MICAL3: variants seen among roughly 807,000 people sequenced by gnomAD.
The protein encoded by MICAL3 is [F-actin]-monooxygenase MICAL3.
A neutral mutation model predicts 207.4 loss-of-function variants in MICAL3; 62 were observed. The ratio of observed to expected loss-of-function variants is 0.30; its 90% confidence interval spans 0.24 to 0.37. MICAL3 has a LOEUF of 0.37. Ranked by LOEUF, MICAL3 falls within the 10% of genes least tolerant of loss-of-function variation. MICAL3 has a pLI of 1.00. For synonymous variants in MICAL3, 1,077 were observed against 1,069.3 expected (o/e 1.01, Z -0.14); for missense variants, 2,368 against 2,635.6 (o/e 0.90, Z 2.22).
At chr22:17,867,600 C>A (rs181326913) in intron 17 of MICAL3, among the ~76,000 whole-genome samples, 1 of 152,216 alleles carries the variant, frequency 6.6e-6, no homozygotes, top group Non-Finnish European at 1.5e-5. Flanking sequence ...TAACACATGA[C>A]CCAGGCCGCT....
At chr22:17,931,011 G>C in intron 1 of MICAL3, among the ~76,000 whole-genome samples, 1 of 152,296 alleles carries the variant, frequency 6.6e-6, no homozygotes, top group East Asian at 1.9e-4. Flanking sequence ...CTCCACCTCC[G>C]CAACAGACCG....
At chr22:18,023,690 C>T (rs1011854669) in intron 1 of MICAL3, among the ~76,000 whole-genome samples, 1 of 152,336 alleles carries the variant, frequency 6.6e-6, no homozygotes, top group East Asian at 1.9e-4. Flanking sequence ...GCTGCGCCGG[C>T]GCAGCGCGCC....
chr22:17,872,022 C>T lies in MICAL3; in HGVS notation c.2243G>A (p.Gly748Asp). 1 of 1,600,292 alleles carries T rather than the reference C, an allele frequency of 6.2e-7. No homozygotes were observed. The highest frequency in any genetic ancestry group is 1.1e-5 in the South Asian group (1 of 88,366). Reference sequence around the variant, plus strand: ...CTGCGGGAACTCCTTCTTCATGGAGCCCTGCAGGAGGTGGCGGTCGGGAGG... The same window carrying T: ...CTGCGGGAACTCCTTCTTCATGGAGTCCTGCAGGAGGTGGCGGTCGGGAGG... ...PAQSIGIRRQ[G>D]SMKKEFPQNL... is the part of the protein sequence containing the mutation. The change falls in exon 17 of 32, where the codon GGC (glycine) becomes GAC (aspartate). Residue 748 changes from glycine to aspartate, a missense_variant and splice_region_variant. Coordinates refer to ENST00000441493, the MANE Select transcript of MICAL3 (RefSeq NM_015241.3).
chr22:18,017,897 C>T (rs1271072255), intron 1 of MICAL3, among the ~76,000 whole-genome samples: 3 of 151,802 alleles, frequency 2.0e-5, no homozygotes, highest in Non-Finnish European at 2.9e-5. Flanking sequence ...ACTACAGGTG[C>T]CCGCCACCAC....
At chr22:17,869,020 A>C (rs1927450495) in intron 17 of MICAL3, among the ~76,000 whole-genome samples, 1 of 152,180 alleles carries the variant, frequency 6.6e-6, no homozygotes, top group Non-Finnish European at 1.5e-5. Context: ...GGAGATGTGA[A>C]ACACAGGCGT....
At chr22:17,893,087 G>T (rs543702331) in intron 11 of MICAL3, among the ~76,000 whole-genome samples, 1 of 152,288 alleles carries the variant, frequency 6.6e-6, no homozygotes, top group Non-Finnish European at 1.5e-5. Flanking sequence ...CCTCTTCGAG[G>T]CCGCACAATT....
At chr22:17,855,969 G>A (rs1925840764) in intron 19 of MICAL3, among the ~76,000 whole-genome samples, 1 of 152,224 alleles carries the variant, frequency 6.6e-6, no homozygotes, top group Non-Finnish European at 1.5e-5. Context: ...TTGGTTACGT[G>A]GCCTTGGCCA....
intron 25 of MICAL3, among the ~76,000 whole-genome samples, chr22:17,820,661 G>A (rs1357346327): frequency 6.6e-6 from 1 of 151,988 alleles, no homozygotes; most frequent in Admixed American, 6.5e-5. Context: ...GCCAGATGTT[G>A]TAAATTTCAA....
Position 17,875,880 on chromosome 22 carries a change from G to A in MICAL3, c.2242-3857C>T, listed in dbSNP as rs554677006. The stretch of plus-strand genomic sequence containing the variant: ...CAGCCTGCAGGAAGGGCAGGGGGAT[G>A]GCTTGTCGACTCACATGCTCTGTGC... On this transcript the variant is annotated intron_variant, in intron 16 of 31. Coordinates refer to ENST00000441493, the MANE Select transcript of MICAL3 (RefSeq NM_015241.3). 2.0e-5 allele frequency among the ~76,000 whole-genome samples: 3 copies of A among 152,212 alleles called. No homozygotes were observed. In the East Asian group the frequency reaches 5.8e-4, roughly 29 times the overall value.
chr22:17,996,367 C>T (rs1314670531), intron 1 of MICAL3, among the ~76,000 whole-genome samples: 1 of 151,496 alleles, frequency 6.6e-6, no homozygotes, highest in Non-Finnish European at 1.5e-5. Flanking sequence ...TGGTGTGAAC[C>T]CGGGAGGCGG....
At chr22:17,829,923 G>A (rs1056971886) in intron 21 of MICAL3, among the ~76,000 whole-genome samples, 1 of 152,164 alleles carries the variant, frequency 6.6e-6, no homozygotes, top group Admixed American at 6.5e-5. Context: ...ACCAGGGAGA[G>A]TAGCCCAGTG....
chr22:17,794,919 G>A (rs1467620702), intron 29 of MICAL3, among the ~76,000 whole-genome samples: 1 of 152,152 alleles, frequency 6.6e-6, no homozygotes, highest in Non-Finnish European at 1.5e-5. Flanking sequence ...CTCGGCCCGC[G>A]GGGAGGGCAG....
intron 11 of MICAL3, among the ~76,000 whole-genome samples, 164 bp downstream of exon 11, chr22:17,893,644 A>T (rs533141473): frequency 3.2e-4 from 49 of 152,312 alleles, no homozygotes; most frequent in African/African-American, 1.2e-3. Context: ...TCCCCAGACA[A>T]CTACCAAGTA....
intron 1 of MICAL3, among the ~76,000 whole-genome samples, chr22:17,981,117 T>C (rs9605476): frequency 0.018 from 2,716 of 152,332 alleles, 38 homozygotes; most frequent in Non-Finnish European, 0.027. Flanking sequence ...ATTTTACTGA[T>C]ATAAAAGATA....
chr22:18,003,893 C>T (rs1228529161), intron 1 of MICAL3, among the ~76,000 whole-genome samples: 2 of 152,238 alleles, frequency 1.3e-5, no homozygotes, highest in Middle Eastern at 3.4e-3. Context: ...CCTCAGCCTC[C>T]CAAGTAGCTG....
chr22:17,816,882 G>C (rs945032690), intron 26 of MICAL3, 98 bp from the exon 27 acceptor site: 21 of 886,678 alleles, frequency 2.4e-5, no homozygotes, highest in South Asian at 1.2e-4. Context: ...AGGCCGGGTG[G>C]GGGGCTGGAT....
chr22:17,898,620 C>A (rs1432533161), intron 7 of MICAL3, among the ~76,000 whole-genome samples: 1 of 152,260 alleles, frequency 6.6e-6, no homozygotes, highest in African/African-American at 2.4e-5. Flanking sequence ...CTGCACAGGC[C>A]TGAATCAGCA....
At chr22:17,920,272 C>T (rs1039752777) in intron 1 of MICAL3, among the ~76,000 whole-genome samples, 6 of 152,228 alleles carry the variant, frequency 3.9e-5, no homozygotes, top group African/African-American at 1.4e-4. Context: ...GTCATCTCCA[C>T]CCATAGGTGG....
At chr22:17,854,485 G>C (rs1330795752) in intron 19 of MICAL3, among the ~76,000 whole-genome samples, 1 of 152,226 alleles carries the variant, frequency 6.6e-6, no homozygotes, top group African/African-American at 2.4e-5. Flanking sequence ...CTGACCAGCA[G>C]GAGTGCAGTA....
Sources: gnomAD v4.1 joint callset for allele counts (sites outside exome capture counted in the v4.1 genomes callset) on GRCh38, gnomAD v4.1.1 for gene constraint, MANE v1.5 for transcripts, NCBI Gene and HGNC (gene_info 2026-07-23, HGNC 2026-07-21) for gene names.